Variants in INTS1 observed in about 807,000 individuals in gnomAD.
INTS1 encodes the protein integrator complex subunit 1.
INTS1 carries 137 observed loss-of-function variants against 241.6 expected under a neutral mutation model. The observed-to-expected ratio is 0.57, with a 90% CI of 0.49 to 0.65. INTS1 has a LOEUF of 0.65. INTS1 is among the 30% of genes least tolerant of loss of function. The probability of loss-of-function intolerance (pLI) is 0.00; values close to 1 mark genes in which losing one functional copy is unlikely to be tolerated. For missense variants in INTS1, 3,073 were observed against 3,032.2 expected (o/e 1.01, Z -0.32); for synonymous variants, 1,692 against 1,337.8 (o/e 1.26, Z -5.78).
rs770748869 is a variant in INTS1, at chr7:1,497,358, G to A, written c.1426-44C>T. On this transcript the variant is annotated intron_variant, in intron 10 of 47. Transcript: ENST00000404767. The surrounding 1 kb of genome is among the most constrained non-coding windows in gnomAD (Gnocchi z 5.3). ...GCGTGGGAGGCTGCCCGACAGTGCT[G>A]TCCCTGTCACAGGCCCCTTCCCGCA... 3 of 1,574,866 alleles carry A rather than the reference G, an allele frequency of 1.9e-6. No homozygotes were observed. The highest frequency in any genetic ancestry group is 1.7e-6 in the Non-Finnish European group (2 of 1,160,000).
rs376017637 is a variant in INTS1, at chr7:1,479,692, G to A, written c.4075-8C>T. The A allele has an allele frequency of 1.1e-4, 154 of 1,458,918 alleles. No individual in the cohort carries two copies. The highest frequency in any genetic ancestry group is 9.7e-4 in the African/African-American group (68 of 70,018). 90.4% of individuals were successfully genotyped at this position (1,458,918 alleles called of 1,614,324 possible). On this transcript the variant is annotated splice_region_variant and splice_polypyrimidine_tract_variant and intron_variant, in intron 30 of 47. Transcript: ENST00000404767. ...CGGGCTGAGCGGGAAAATCTGGAACGGGGAAGGCCAGTGTCAGGAGGAAGC... is the reference window on the plus strand; with the variant it reads ...CGGGCTGAGCGGGAAAATCTGGAACAGGGAAGGCCAGTGTCAGGAGGAAGC...
intron 21 of INTS1, 43 bp from the exon 22 acceptor site, chr7:1,486,817 A>C (rs755167239): frequency 6.5e-7 from 1 of 1,527,326 alleles, no homozygotes. Flanking sequence ...GTGACAGGCC[A>C]GGCGGGTAGG....
Position 1,497,087 on chromosome 7 carries a change from C to A in INTS1, c.1602+51G>T, listed in dbSNP as rs375212609. On this transcript the variant is annotated intron_variant, in intron 11 of 47. Transcript: ENST00000404767. The surrounding 1 kb of genome is among the most constrained non-coding windows in gnomAD (Gnocchi z 5.3). ...GGACCCAGGACGAGGGGGATGGCGG[C>A]GCGTGGAACCCGCAGTGAGGGAAAG... is the stretch of plus-strand genomic sequence containing the variant. 1 of 1,516,782 alleles carries A rather than the reference C, an allele frequency of 6.6e-7. No homozygotes were observed. The highest frequency in any genetic ancestry group is 2.0e-5 in the Admixed American group (1 of 49,978). The allele number at this position is 1,516,782 out of a possible 1,614,324, so 94.0% of individuals were successfully genotyped here.
chr7:1,498,286 C>T lies in INTS1; in HGVS notation c.1425+126G>A, dbSNP rs557803848. 1.3e-4 allele frequency: 192 copies of T among 1,430,156 alleles called. 2 individuals carry two copies. The South Asian group carries it at 2.0e-3, about 15-fold the overall frequency. The allele number at this position is 1,430,156 out of a possible 1,614,324, so 88.6% of individuals were successfully genotyped here. Reference sequence around the variant, plus strand: ...CACGTGAGTTTCAAAAGCTCCTTCCCGAGACCGAGGAGCATTCTCCCACGA... The same window carrying T: ...CACGTGAGTTTCAAAAGCTCCTTCCTGAGACCGAGGAGCATTCTCCCACGA... On this transcript the variant is annotated intron_variant, in intron 10 of 47. Transcript: ENST00000404767.
intron 14 of INTS1, among the ~76,000 whole-genome samples, chr7:1,494,152 A>C (rs2251235): frequency 0.54 from 81,832 of 152,118 alleles, 23,826 homozygotes; most frequent in African/African-American, 0.77. Context: ...GCCTTTGGGG[A>C]TACACACACA....
At chr7:1,487,164 C>T in intron 20 of INTS1, 63 bp from the exon 21 acceptor site, 1 of 1,524,646 alleles carries the variant, frequency 6.6e-7, no homozygotes, top group Middle Eastern at 1.7e-4. Context: ...CGCCAGCCCC[C>T]CGGGTGACCG....
chr7:1,500,458 C>G (rs1783117670), intron 3 of INTS1, 92 bp from the exon 4 acceptor site: 4 of 1,353,730 alleles, frequency 3.0e-6, no homozygotes, highest in Admixed American at 2.6e-5. Context: ...GAACCCAGAG[C>G]TCTCAGGGTC....
At chr7:1,503,783 G>C in intron 2 of INTS1, 120 bp downstream of exon 2, 1 of 727,058 alleles carries the variant, frequency 1.4e-6, no homozygotes, top group Non-Finnish European at 2.3e-6. Context: ...CGAATTCCTG[G>C]AAACAGCCGC....
Position 1,493,108 on chromosome 7 carries a change from T to G in INTS1, c.2069-2A>C. On this transcript the variant is annotated splice_acceptor_variant, in intron 15 of 47. Coordinates refer to ENST00000404767, the MANE Select transcript of INTS1 (RefSeq NM_001080453.3). LOFTEE classifies it high-confidence loss of function. The surrounding 1 kb of genome is among the most constrained non-coding windows in gnomAD (Gnocchi z 5.3). ...TCCCCACCTTCAGCACCTCCACATCTAAGACCAAGAGCCACACATGGGTTC... is the reference window on the plus strand; with the variant it reads ...TCCCCACCTTCAGCACCTCCACATCGAAGACCAAGAGCCACACATGGGTTC... 1.2e-6 allele frequency: 2 copies of G among 1,611,006 alleles called. No individual in the cohort carries two copies. The highest frequency in any genetic ancestry group is 1.7e-6 in the Non-Finnish European group (2 of 1,177,844).
At position 1,497,814 on chromosome 7, in the gene INTS1, C is replaced by T. The variant is rs1052012266; in HGVS notation, c.1426-500G>A. On this transcript the variant is annotated intron_variant, in intron 10 of 47. Coordinates refer to ENST00000404767, the MANE Select transcript of INTS1 (RefSeq NM_001080453.3). The surrounding 1 kb of genome is among the most constrained non-coding windows in gnomAD (Gnocchi z 5.3). ...ACCGGGAGGCCTAATGCGCTGGTGG[C>T]GATGGGAGCATCTCCCGAGCCCGCT... Among the ~76,000 whole-genome samples, 3 of 152,232 alleles carry T rather than the reference C, an allele frequency of 2.0e-5. No homozygotes were observed. Among genetic ancestry groups the T allele is most frequent in the East Asian group, 1.9e-4 (1 of 5,192 alleles).
At chr7:1,483,446 G>C (rs556007346) in intron 26 of INTS1, 52 of 487,344 alleles carry the variant, frequency 1.1e-4, no homozygotes, top group African/African-American at 9.3e-4. Flanking sequence ...AGGCCTACAC[G>C]GTTAGGCTGG....
Position 1,498,727 on chromosome 7 carries a change from G to A in INTS1, c.1263C>T (p.Asn421=). ...CGCACCTGATGCACAGCATGAAGTG[G>A]TTGAGGAGGACCTTGGGCTTGAGGC... is the stretch of plus-strand genomic sequence containing the variant. The part of the protein sequence containing the change: ...KIRLKPKVLL[N]HFMLCIRELL... The change falls in exon 9 of 48, where the codon AAC becomes AAT. Residue 421 remains asparagine, a synonymous_variant. Transcript: ENST00000404767. 9 of 1,556,944 alleles carry A rather than the reference G, an allele frequency of 5.8e-6. No homozygotes were observed. Among genetic ancestry groups the A allele is most frequent in the Non-Finnish European group, 7.8e-6 (9 of 1,150,176 alleles).
intron 1 of INTS1, 48 bp from the exon 2 acceptor site, chr7:1,504,049 C>T (rs1387986906): frequency 8.0e-6 from 8 of 1,003,124 alleles, no homozygotes; most frequent in Non-Finnish European, 5.8e-6. Flanking sequence ...TTCGCTCGTT[C>T]GCTCGCTCAT....
At position 1,485,268 on chromosome 7, in the gene INTS1, CGGCCCCG is replaced by C. The variant is rs1562500164; in HGVS notation, c.3156+15_3156+21del. The C allele has an allele frequency of 6.3e-7, 1 of 1,598,676 alleles. No homozygotes were observed. Among genetic ancestry groups the C allele is most frequent in the Non-Finnish European group, 8.5e-7 (1 of 1,174,992 alleles). ...GCGGCCCTCTCATCTTTCCCTGCCGCGGCCCCGGTCAGCGCCCTCACCTGCTGCAGGG... is the reference window on the plus strand; with the variant it reads ...GCGGCCCTCTCATCTTTCCCTGCCGCGTCAGCGCCCTCACCTGCTGCAGGG... On this transcript the variant is annotated intron_variant, in intron 23 of 47. Coordinates refer to ENST00000404767, the MANE Select transcript of INTS1 (RefSeq NM_001080453.3).
chr7:1,470,783 G>T lies in INTS1; in HGVS notation c.6457+63C>A, dbSNP rs1002331952. Reference sequence around the variant, plus strand: ...TCGGGACTCCCAAGAGCCAGCCCTCGGGGGACGCACCTCCGGCCTCCCCGA... The same window carrying T: ...TCGGGACTCCCAAGAGCCAGCCCTCTGGGGACGCACCTCCGGCCTCCCCGA... On this transcript the variant is annotated intron_variant, in intron 47 of 47. Transcript: ENST00000404767. The T allele has an allele frequency of 9.5e-6, 14 of 1,475,324 alleles. No homozygotes were observed. The South Asian group carries it at 1.3e-4, about 13-fold the overall frequency. The allele number at this position is 1,475,324 out of a possible 1,614,324, so 91.4% of individuals were successfully genotyped here.
At chr7:1,501,469 T>C (rs1394928108) in intron 3 of INTS1, among the ~76,000 whole-genome samples, 1 of 151,838 alleles carries the variant, frequency 6.6e-6, no homozygotes, top group Non-Finnish European at 1.5e-5. Flanking sequence ...CCTGGGACAT[T>C]TACCACAAAT....
rs1205143851 is a variant in INTS1, at chr7:1,486,791, G to A, written c.2827-17C>T. ...CTGTTGCCTCTGCAGGGAGGAAGGG[G>A]CTCTCAGGGGTGCAGGTGACAGGCC... On this transcript the variant is annotated splice_polypyrimidine_tract_variant and intron_variant, in intron 21 of 47. Coordinates refer to ENST00000404767, the MANE Select transcript of INTS1 (RefSeq NM_001080453.3). 1 of 1,610,664 alleles carries A rather than the reference G, an allele frequency of 6.2e-7. No individual in the cohort carries two copies. The highest frequency in any genetic ancestry group is 8.5e-7 in the Non-Finnish European group (1 of 1,179,012).
At chr7:1,477,997 G>A in intron 33 of INTS1, 61 bp from the exon 34 acceptor site, 1 of 1,429,218 alleles carries the variant, frequency 7.0e-7, no homozygotes, top group Non-Finnish European at 9.8e-7. Context: ...CCGCTGAGTG[G>A]GTGTGGGCTA....
intron 10 of INTS1, 78 bp downstream of exon 10, chr7:1,498,334 C>T (rs1036986892): frequency 6.4e-7 from 1 of 1,569,952 alleles, no homozygotes; most frequent in African/African-American, 1.3e-5. Flanking sequence ...CCACCGGCCT[C>T]CCCAGACGCC....
Sources: gnomAD v4.1 joint callset for allele counts (sites outside exome capture counted in the v4.1 genomes callset) on GRCh38, gnomAD v4.1.1 for gene constraint, Gnocchi (gnomAD v3.1) non-coding constraint, MANE v1.5 for transcripts, NCBI Gene and HGNC (gene_info 2026-07-23, HGNC 2026-07-21) for gene names.